SH3BP5: variants seen among roughly 807,000 people sequenced by gnomAD.
SH3BP5 encodes SH3 domain binding protein 5, also known as SH3 domain-binding protein 5.
Under a neutral mutation model 43.3 loss-of-function variants are expected in SH3BP5, and 22 were observed. That is an observed-to-expected ratio of 0.51 (90% CI 0.36 to 0.73). SH3BP5 has a LOEUF of 0.73. Ranked by LOEUF, SH3BP5 falls within the 30% of genes least tolerant of loss-of-function variation. The probability of loss-of-function intolerance (pLI) is 0.00; values close to 1 mark genes in which losing one functional copy is unlikely to be tolerated. For synonymous variants in SH3BP5, 255 were observed against 225.8 expected (o/e 1.13, Z -1.16); for missense variants, 529 against 586.9 (o/e 0.90, Z 1.02).
intron 1 of SH3BP5, among the ~76,000 whole-genome samples, chr3:15,339,015 G>A (rs1698733611): frequency 6.6e-6 from 1 of 152,116 alleles, no homozygotes; most frequent in Non-Finnish European, 1.5e-5. Context: ...GACCCCTAAG[G>A]ATCATGGCAC....
At chr3:15,266,280 A>T (rs1315632169) in intron 4 of SH3BP5, among the ~76,000 whole-genome samples, 1 of 152,152 alleles carries the variant, frequency 6.6e-6, no homozygotes, top group East Asian at 1.9e-4. Flanking sequence ...CACACCCACC[A>T]ACGTCAGGGA....
chr3:15,260,955 G>T (rs911186266), intron 5 of SH3BP5, among the ~76,000 whole-genome samples: 8 of 152,356 alleles, frequency 5.3e-5, no homozygotes, highest in African/African-American at 1.9e-4. Context: ...TGTGTGTGCA[G>T]TGTGAATTCG....
At chr3:15,270,592 C>T (rs774058262) in intron 3 of SH3BP5, among the ~76,000 whole-genome samples, 2 of 152,260 alleles carry the variant, frequency 1.3e-5, no homozygotes, top group African/African-American at 2.4e-5. Flanking sequence ...CTGACCACCA[C>T]GTCTAGAGCT....
At chr3:15,266,641 T>C (rs1449689543) in intron 4 of SH3BP5, among the ~76,000 whole-genome samples, 1 of 152,220 alleles carries the variant, frequency 6.6e-6, no homozygotes, top group Non-Finnish European at 1.5e-5. Flanking sequence ...CCAGGCCCTG[T>C]GCCCCAAGGA....
chr3:15,330,162 G>A (rs1206699759), intron 2 of SH3BP5, among the ~76,000 whole-genome samples: 3 of 152,194 alleles, frequency 2.0e-5, no homozygotes, highest in African/African-American at 7.2e-5. Flanking sequence ...GAGATTTTGT[G>A]AGCTCATTCA....
At chr3:15,328,260 T>C (rs1698514223) in intron 2 of SH3BP5, among the ~76,000 whole-genome samples, 1 of 151,934 alleles carries the variant, frequency 6.6e-6, no homozygotes, top group Admixed American at 6.6e-5. Flanking sequence ...TATTCAGAAA[T>C]GGGATTCAGA....
intron 2 of SH3BP5, among the ~76,000 whole-genome samples, chr3:15,318,809 C>G (rs1295977445): frequency 1.3e-5 from 2 of 152,202 alleles, no homozygotes; most frequent in African/African-American, 4.8e-5. Context: ...TAGCCTCAAG[C>G]CATCTGCTGG....
intron 1 of SH3BP5, 142 bp downstream of exon 1, chr3:15,332,129 C>G (rs947953894): frequency 1.5e-6 from 2 of 1,323,224 alleles, no homozygotes; most frequent in South Asian, 1.4e-5. Flanking sequence ...ACGGAGCATA[C>G]AGACCGTCTC....
intron 3 of SH3BP5, among the ~76,000 whole-genome samples, chr3:15,289,882 C>A (rs1697363501): frequency 6.6e-6 from 1 of 152,112 alleles, no homozygotes; most frequent in South Asian, 2.1e-4. Context: ...AAAACAGACA[C>A]CCCCCCTTCT....
At chr3:15,313,252 T>C (rs1698104533) in intron 2 of SH3BP5, among the ~76,000 whole-genome samples, 2 of 152,162 alleles carry the variant, frequency 1.3e-5, no homozygotes, top group Admixed American at 1.3e-4. Flanking sequence ...AAGAGCGAAA[T>C]GTCTCAAAAA....
chr3:15,332,368 G>A lies in SH3BP5; in HGVS notation c.41C>T (p.Ala14Val), dbSNP rs372470022. The change falls in exon 1 of 9, where the codon GCC (alanine) becomes GTC (valine). Residue 14 changes from alanine to valine, a missense_variant. Physicochemically the swap from Ala to Val is moderately conservative, Grantham distance 64. Around this residue, in one of 3 missense-constraint regions of SH3BP5, gnomAD observed 75 missense variants for 61.8 expected, o/e 1.21. Transcript: ENST00000383791. ...GTCCCGGGCAGGCGGCAGGATTTCG[G>A]CTGGCTCCTCCGAGCGGCTCCGCTT... is the stretch of plus-strand genomic sequence containing the variant. ...ALKRSRSEEPAEILPPARDEE... is the reference protein window; with the variant it reads ...ALKRSRSEEPVEILPPARDEE... The A allele has an allele frequency of 6.8e-5, 105 of 1,539,932 alleles. No homozygotes were observed. In the African/African-American group the frequency reaches 1.3e-3, roughly 19 times the overall value.
intron 2 of SH3BP5, among the ~76,000 whole-genome samples, chr3:15,312,962 G>T (rs901649779): frequency 1.3e-5 from 2 of 152,168 alleles, no homozygotes; most frequent in African/African-American, 4.8e-5. Flanking sequence ...ACTGAAGTAA[G>T]GCTGGGCACA....
chr3:15,294,682 G>T (rs1697520361), intron 3 of SH3BP5, among the ~76,000 whole-genome samples: 1 of 152,146 alleles, frequency 6.6e-6, no homozygotes, highest in Admixed American at 6.5e-5. Context: ...AGCAGTGTGT[G>T]TGGCACCTAA....
At chr3:15,326,386 G>A (rs542218804) in intron 2 of SH3BP5, among the ~76,000 whole-genome samples, 8 of 152,318 alleles carry the variant, frequency 5.3e-5, no homozygotes, top group African/African-American at 1.4e-4. Context: ...GCACCACAGC[G>A]TGAGAGCACG....
chr3:15,313,256 T>G (rs972695481), intron 2 of SH3BP5, among the ~76,000 whole-genome samples: 1 of 152,126 alleles, frequency 6.6e-6, no homozygotes, highest in Non-Finnish European at 1.5e-5. Flanking sequence ...GCGAAATGTC[T>G]CAAAAAAATT....
At chr3:15,337,759 T>A (rs1421128184) in intron 1 of SH3BP5, among the ~76,000 whole-genome samples, 9 of 150,676 alleles carry the variant, frequency 6.0e-5, no homozygotes, top group African/African-American at 1.7e-4. Flanking sequence ...CAAAAAAAAA[T>A]TTTTAATTAG....
At chr3:15,257,353 A>C (rs1575272684) in intron 7 of SH3BP5, 1 of 476,704 alleles carries the variant, frequency 2.1e-6, no homozygotes, top group East Asian at 3.5e-5. Flanking sequence ...TAACCTTATA[A>C]CCCTGCCAAG....
chr3:15,271,059 TATTAA>T (rs1051271489), intron 3 of SH3BP5, among the ~76,000 whole-genome samples: 49 of 151,644 alleles, frequency 3.2e-4, no homozygotes, highest in African/African-American at 6.5e-4. Context: ...ATTTTGGATA[TATTAA>T]ATTAAATTAA....
In SH3BP5 at chr3:15,265,561, A is replaced by ACACACACACACACAC. The variant is rs1553613901; in HGVS notation, c.496-3273_496-3272insGTGTGTGTGTGTGTG. On this transcript the variant is annotated intron_variant, in intron 4 of 8. Coordinates refer to ENST00000383791, the MANE Select transcript of SH3BP5 (RefSeq NM_004844.5). ...ACACACACACACACACACACACACA[A>ACACACACACACACAC]CCCTCCAGCTCCTGGAAGAGACCTC... Among the ~76,000 whole-genome samples the ACACACACACACACAC allele has an allele frequency of 6.5e-4, 29 of 44,500 alleles. 1 individual carries two copies. The highest frequency in any genetic ancestry group is 2.3e-3 in the African/African-American group (23 of 9,826). 29.2% of individuals were successfully genotyped at this position (44,500 alleles called of 152,430 possible).
Sources: gnomAD v4.1 joint callset for allele counts (sites outside exome capture counted in the v4.1 genomes callset) on GRCh38, gnomAD v4.1.1 for gene constraint, gnomAD v4.1.1 regional missense constraint, MANE v1.5 for transcripts, NCBI Gene and HGNC (gene_info 2026-07-23, HGNC 2026-07-21) for gene names.